Variants in FRY observed in about 807,000 individuals in gnomAD.
The protein encoded by FRY is protein furry homolog.
Under a neutral mutation model 348.4 loss-of-function variants are expected in FRY, and 128 were observed. The observed-to-expected ratio is 0.37, with a 90% confidence interval of 0.32 to 0.43. FRY has a LOEUF of 0.43. FRY is among the 20% of genes least tolerant of loss of function. The pLI is 1.00. For missense variants in FRY, 2,736 were observed against 3,695.2 expected (o/e 0.74, Z 6.73); for synonymous variants, 1,370 against 1,374.7 (o/e 1.00, Z 0.08).
At position 32,273,255 on chromosome 13, in the gene FRY, G is replaced by GCT. The variant is rs929454187; in HGVS notation, c.8137-1586_8137-1585dup. On this transcript the variant is annotated intron_variant, in intron 55 of 60. Coordinates refer to ENST00000542859, the MANE Select transcript of FRY (RefSeq NM_023037.3). Reference sequence around the variant, plus strand: ...TTTTTTTTTTTTGAGACGGAGTCTCGCTGTCGCCCAGGCTGGAGTGCAGTG... The same window carrying GCT: ...TTTTTTTTTTTTGAGACGGAGTCTCGCTCTGTCGCCCAGGCTGGAGTGCAGTG... 3.7e-5 allele frequency among the ~76,000 whole-genome samples: 5 copies of GCT among 135,776 alleles called. No homozygotes were observed. The South Asian group carries it at 6.9e-4, about 19-fold the overall frequency. 89.1% of individuals were successfully genotyped at this position (135,776 alleles called of 152,430 possible). A position where few individuals can be genotyped will look rare whatever the true frequency, so the allele number is the denominator to read the frequency against.
chr13:32,178,356 G>A lies in FRY; in HGVS notation c.2601G>A (p.Lys867=), dbSNP rs1258367659. Residue 867 remains lysine (K), a synonymous_variant, in exon 21 of 61, where the codon AAG becomes AAA. Transcript: ENST00000542859. ...TCCTCCGGCAGGAGAACTTACCCAA[G>A]CACTGCCCCACAGCCCTCAGCTATG... ...FSFLRQENLP[K]HCPTALSYAW... is the part of the protein sequence containing the mutation. 6.2e-7 allele frequency: 1 copy of A among 1,614,144 alleles called. No individual in the cohort carries two copies. Among genetic ancestry groups the A allele is most frequent in the Non-Finnish European group, 8.5e-7 (1 of 1,180,004 alleles).
At chr13:32,181,122 C>T (rs1005765789) in intron 23 of FRY, among the ~76,000 whole-genome samples, 1 of 151,610 alleles carries the variant, frequency 6.6e-6, no homozygotes, top group Non-Finnish European at 1.5e-5. Context: ...GAACTCCTGA[C>T]CTCGTGATCT....
intron 2 of FRY, among the ~76,000 whole-genome samples, chr13:32,080,722 G>C (rs1429574464): frequency 1.3e-5 from 2 of 152,156 alleles, no homozygotes; most frequent in Non-Finnish European, 2.9e-5. Flanking sequence ...TCCTCCCCTG[G>C]TGGAGGGAGG....
rs1161491524 is a variant in FRY, at chr13:32,298,844, A to G, written c.*3384A>G. Reference sequence around the variant, plus strand: ...TGAAATGAGTGAAGAGAGCGTTCAGAGAGGACAGCCAAAAGCTCTGTGGGC... The same window carrying G: ...TGAAATGAGTGAAGAGAGCGTTCAGGGAGGACAGCCAAAAGCTCTGTGGGC... On this transcript the variant is annotated 3_prime_UTR_variant, in exon 61 of 61. Coordinates refer to ENST00000542859, the MANE Select transcript of FRY (RefSeq NM_023037.3). 1 of 152,286 alleles carries G rather than the reference A, an allele frequency of 6.6e-6. No individual in the cohort carries two copies. The highest frequency in any genetic ancestry group is 1.5e-5 in the Non-Finnish European group (1 of 68,080). 9.4% of individuals were successfully genotyped at this position (152,286 alleles called of 1,614,324 possible). A position where few individuals can be genotyped will look rare whatever the true frequency, so the allele number is the denominator to read the frequency against.
Position 32,244,178 on chromosome 13 carries a change from T to C in FRY, c.6824T>C (p.Val2275Ala). 1 of 1,613,262 alleles carries C rather than the reference T, an allele frequency of 6.2e-7. No homozygotes were observed. The highest frequency in any genetic ancestry group is 8.5e-7 in the Non-Finnish European group (1 of 1,179,304). The change falls in exon 47 of 61, where the codon GTG becomes GCG. Residue 2275 changes from valine to alanine, a missense_variant. Val to Ala is a moderately conservative substitution (Grantham distance 64). Coordinates refer to ENST00000542859, the MANE Select transcript of FRY (RefSeq NM_023037.3). Reference sequence around the variant, plus strand: ...GTTCTGAAGACAATTGAAAAATATGTGCAAGTGAGTACTTGGATAACTTCA... The same window carrying C: ...GTTCTGAAGACAATTGAAAAATATGCGCAAGTGAGTACTTGGATAACTTCA... ...VEVLKTIEKY[V>A]QSVHWREALN...
At chr13:32,177,629 G>A (rs926515526) in intron 20 of FRY, among the ~76,000 whole-genome samples, 5 of 124,518 alleles carry the variant, frequency 4.0e-5, no homozygotes, top group South Asian at 2.4e-4. Context: ...ATAAGAATAC[G>A]TAGATATCTT....
chr13:32,286,354 T>C (rs1889050921), intron 58 of FRY, among the ~76,000 whole-genome samples: 1 of 152,134 alleles, frequency 6.6e-6, no homozygotes. Context: ...GAATGGTCAA[T>C]TTGATTTAAA....
At chr13:32,143,259 G>A (rs1486227049) in intron 11 of FRY, among the ~76,000 whole-genome samples, 1 of 152,190 alleles carries the variant, frequency 6.6e-6, no homozygotes, top group African/African-American at 2.4e-5. Context: ...ATTTGTGCAA[G>A]AATGGAAGAG....
chr13:32,177,018 G>A (rs1277949570), intron 20 of FRY, among the ~76,000 whole-genome samples: 2 of 152,096 alleles, frequency 1.3e-5, no homozygotes, highest in African/African-American at 4.8e-5. Flanking sequence ...GCCCCTTACA[G>A]CCTATTGACC....
Position 32,294,368 on chromosome 13 carries a change from C to G in FRY, c.8581C>G (p.Leu2861Val). The G allele has an allele frequency of 6.2e-7, 1 of 1,608,108 alleles. No individual in the cohort carries two copies. Among genetic ancestry groups the G allele is most frequent in the Middle Eastern group, 1.7e-4 (1 of 6,052 alleles). ...QVHEVSSMPE[L>V]LNMSRELSDL... Reference sequence around the variant, plus strand: ...TTAAAAAACATTTTTTTTTAAATAGCTGCTGAATATGTCCAGGGAACTGAG... The same window carrying G: ...TTAAAAAACATTTTTTTTTAAATAGGTGCTGAATATGTCCAGGGAACTGAG... Residue 2861 changes from leucine (L) to valine (V), a missense_variant and splice_region_variant, in exon 60 of 61, where the codon CTG becomes GTG. By Grantham distance (32) the Leu-to-Val change is conservative. Coordinates refer to ENST00000542859, the MANE Select transcript of FRY (RefSeq NM_023037.3).
At position 32,264,933 on chromosome 13, in the gene FRY, A is replaced by C. The variant is rs546721203; in HGVS notation, c.7780-517A>C. Reference sequence around the variant, plus strand: ...CTGCGCCAGGCCCTGATGATTCTACATTCCCTTGGTAAAGGGGTTCTATGT... The same window carrying C: ...CTGCGCCAGGCCCTGATGATTCTACCTTCCCTTGGTAAAGGGGTTCTATGT... On this transcript the variant is annotated intron_variant, in intron 53 of 60. Transcript: ENST00000542859. Among the ~76,000 whole-genome samples, 5 of 152,326 alleles carry C rather than the reference A, an allele frequency of 3.3e-5. No individual in the cohort carries two copies. The South Asian group carries it at 1.0e-3, about 32-fold the overall frequency.
Position 32,225,018 on chromosome 13 carries a change from C to A in FRY, c.5002C>A (p.Leu1668Ile). 6.3e-7 allele frequency: 1 copy of A among 1,596,062 alleles called. No individual in the cohort carries two copies. The highest frequency in any genetic ancestry group is 8.6e-7 in the Non-Finnish European group (1 of 1,163,436). Reference protein sequence around the residue: ...EDWALHLPLLLHAVFLGLDHY... With the variant: ...EDWALHLPLLIHAVFLGLDHY... ...CTGGGCGCTTCATCTACCATTATTA[C>A]TTCATGCTGTCTTCTTAGGTAAGAC... The change falls in exon 38 of 61, where the codon CTT (leucine) becomes ATT (isoleucine). Residue 1668 changes from leucine (L) to isoleucine (I), a missense_variant. Transcript: ENST00000542859.
chr13:32,234,128 A>G, intron 41 of FRY, among the ~76,000 whole-genome samples: 1 of 151,570 alleles, frequency 6.6e-6, no homozygotes, highest in African/African-American at 2.4e-5. Flanking sequence ...CCAAAAAAAA[A>G]AAAAAAAAAA....
intron 16 of FRY, 131 bp downstream of exon 16, chr13:32,157,536 A>AC: frequency 1.3e-6 from 1 of 793,122 alleles, no homozygotes; most frequent in East Asian, 2.7e-5. Context: ...TAGTTAAAAA[A>AC]AAACCTTCAC....
At chr13:32,196,331 A>T (rs188466039) in intron 29 of FRY, among the ~76,000 whole-genome samples, 117 of 152,328 alleles carry the variant, frequency 7.7e-4, no homozygotes, top group African/African-American at 2.8e-3. Context: ...GAGGAATATG[A>T]CAGTTTATAA....
At chr13:32,112,363 A>G (rs1260363029) in intron 3 of FRY, among the ~76,000 whole-genome samples, 4 of 152,114 alleles carry the variant, frequency 2.6e-5, no homozygotes, top group Non-Finnish European at 1.5e-5. Context: ...TAAAATCCCA[A>G]TGAGGTAAGT....
chr13:32,093,758 G>A (rs1481923093), intron 2 of FRY, among the ~76,000 whole-genome samples: 1 of 152,186 alleles, frequency 6.6e-6, no homozygotes, highest in Admixed American at 6.5e-5. Flanking sequence ...CAGTGAGCTG[G>A]GGCATCTGGT....
intron 31 of FRY, among the ~76,000 whole-genome samples, chr13:32,203,021 C>T (rs755473405): frequency 6.6e-6 from 1 of 151,820 alleles, no homozygotes; most frequent in Non-Finnish European, 1.5e-5. Flanking sequence ...GGGCTAGATC[C>T]AGTTACATAT....
rs144822717 is a variant in FRY, at chr13:32,062,900, AATGCATATATAATGCAT to A, written c.71-15922_71-15906del. 7.8e-3 allele frequency among the ~76,000 whole-genome samples: 1,180 copies of A among 151,966 alleles called. 7 individuals are homozygous for A. Among genetic ancestry groups the A allele is most frequent in the Non-Finnish European group, 0.012 (848 of 67,928 alleles). On this transcript the variant is annotated intron_variant, in intron 1 of 60. Transcript: ENST00000542859. ...ATATATACCATCACATATATTTTAT[AATGCATATATAATGCAT>A]ATGCATATATATGCATATGTATATT...
Sources: gnomAD v4.1 joint callset for allele counts (sites outside exome capture counted in the v4.1 genomes callset) on GRCh38, gnomAD v4.1.1 for gene constraint, MANE v1.5 for transcripts, NCBI Gene and HGNC (gene_info 2026-07-23, HGNC 2026-07-21) for gene names.